TBX15: variants seen among roughly 807,000 people sequenced by gnomAD.
TBX15 encodes the protein T-box transcription factor TBX15.
A neutral mutation model predicts 53.9 loss-of-function variants in TBX15; 18 were observed. The ratio of observed to expected loss-of-function variants is 0.33; its 90% confidence interval spans 0.23 to 0.49. The LOEUF is 0.49. Among genes scored for constraint, TBX15 ranks in the 20% least tolerant of loss-of-function variants. The pLI, the probability that TBX15 is intolerant of heterozygous loss-of-function variation, is 0.98. For synonymous variants in TBX15, 295 were observed against 278.0 expected, an observed-to-expected ratio of 1.06 and a Z score of -0.61; for missense variants, 692 against 749.5, an observed-to-expected ratio of 0.92 and a Z score of 0.90.
At chr1:118,892,924 T>A (rs775374536) in intron 7 of TBX15, among the ~76,000 whole-genome samples, 14 of 152,088 alleles carry the variant, frequency 9.2e-5, no homozygotes, top group Non-Finnish European at 1.9e-4. Context: ...ACTTACTATG[T>A]TGTTATCTTC....
At chr1:118,894,161 A>G (rs1654313368) in intron 7 of TBX15, among the ~76,000 whole-genome samples, 1 of 152,206 alleles carries the variant, frequency 6.6e-6, no homozygotes, top group African/African-American at 2.4e-5. Flanking sequence ...TGTTTGAGAA[A>G]GGGAAGTAAG....
chr1:118,931,744 A>C lies in TBX15; in HGVS notation c.294T>G (p.Gly98=). 1 of 1,613,724 alleles carries C rather than the reference A, an allele frequency of 6.2e-7. No homozygotes were observed. Among genetic ancestry groups the C allele is most frequent in the Non-Finnish European group, 8.5e-7 (1 of 1,179,820 alleles). The stretch of plus-strand genomic sequence containing the variant: ...TGGCAGCAGGCACAGGGCCTGCAGC[A>C]CCAGAGGCCAGGTCAGTGTGAGTAC... ...SFSTHTDLAS[G]AAGPVPAAMS... Residue 98 remains glycine (G), a synonymous_variant, in exon 2 of 8, where the codon GGT becomes GGG. Transcript: ENST00000369429.
intron 1 of TBX15, among the ~76,000 whole-genome samples, chr1:118,960,832 C>T (rs1231943922): frequency 2.6e-5 from 4 of 152,148 alleles, no homozygotes; most frequent in East Asian, 1.9e-4. Flanking sequence ...AGGGCAGAGT[C>T]GAGGTCTGGT....
chr1:118,939,884 A>T (rs1371020561), intron 1 of TBX15, among the ~76,000 whole-genome samples: 2 of 151,902 alleles, frequency 1.3e-5, no homozygotes, highest in African/African-American at 2.4e-5. Context: ...ATTATCTCAT[A>T]CAATTTTCAC....
At position 118,885,386 on chromosome 1, in the gene TBX15, G is replaced by T; in HGVS notation, c.1155C>A (p.Gly385=). ...FHLAPNTFNV[G]CRESQLCNLN... ...GATTACACAGCTGGCTTTCTCGGCAGCCCACATTGAAAGTGTTGGGGGCCA... is the reference window on the plus strand; with the variant it reads ...GATTACACAGCTGGCTTTCTCGGCATCCCACATTGAAAGTGTTGGGGGCCA... Residue 385 remains glycine, a synonymous_variant, in exon 8 of 8, where the codon GGC becomes GGA. Coordinates refer to ENST00000369429, the MANE Select transcript of TBX15 (RefSeq NM_001330677.2). The T allele has an allele frequency of 6.2e-7, 1 of 1,613,936 alleles. No homozygotes were observed. The highest frequency in any genetic ancestry group is 1.1e-5 in the South Asian group (1 of 91,072).
intron 2 of TBX15, among the ~76,000 whole-genome samples, chr1:118,927,032 G>T (rs1036679934): frequency 2.0e-5 from 3 of 152,072 alleles, no homozygotes; most frequent in Admixed American, 2.0e-4. Context: ...CCTAAACAAC[G>T]TATTCTTATT....
chr1:118,950,725 A>G (rs1202425001), intron 1 of TBX15, among the ~76,000 whole-genome samples: 1 of 152,232 alleles, frequency 6.6e-6, no homozygotes, highest in Non-Finnish European at 1.5e-5. Context: ...TTATTCTCTA[A>G]TAGGAAAGCT....
intron 1 of TBX15, among the ~76,000 whole-genome samples, chr1:118,947,427 A>T (rs1362363651): frequency 6.6e-6 from 1 of 152,218 alleles, no homozygotes; most frequent in Non-Finnish European, 1.5e-5. Flanking sequence ...TAGGAGTGTT[A>T]GTCCTGGTTT....
chr1:118,914,783 G>A (rs1253521894), intron 5 of TBX15, among the ~76,000 whole-genome samples: 1 of 152,148 alleles, frequency 6.6e-6, no homozygotes, highest in Non-Finnish European at 1.5e-5. Context: ...TTTTGCCAGG[G>A]TCTTACCCAA....
At chr1:118,932,544 T>A (rs1276443466) in intron 1 of TBX15, among the ~76,000 whole-genome samples, 2 of 152,132 alleles carry the variant, frequency 1.3e-5, no homozygotes, top group Non-Finnish European at 2.9e-5. Flanking sequence ...AGGGAATAAA[T>A]GAGTTCAGGA....
chr1:118,885,136 G>A lies in TBX15; in HGVS notation c.1405C>T (p.Leu469=). The part of the protein sequence containing the change: ...NSKMEAYGGQ[L]GSFPTSQFQY... ...AACTGGGAAGTGGGAAAGGACCCCA[G>A]CTGGCCACCGTAGGCTTCCATCTTG... The change falls in exon 8 of 8, where the codon CTG becomes TTG. Residue 469 remains leucine (L), a synonymous_variant. Transcript: ENST00000369429. 6.2e-7 allele frequency: 1 copy of A among 1,614,188 alleles called. No homozygotes were observed. The highest frequency in any genetic ancestry group is 8.5e-7 in the Non-Finnish European group (1 of 1,180,034).
intron 1 of TBX15, among the ~76,000 whole-genome samples, chr1:118,937,142 C>A (rs1463657847): frequency 6.6e-6 from 1 of 151,970 alleles, no homozygotes; most frequent in Admixed American, 6.6e-5. Context: ...AACCAACAAA[C>A]AACAAAATGA....
intron 1 of TBX15, among the ~76,000 whole-genome samples, chr1:118,932,301 ACTGCCTGT>A (rs1655820488): frequency 6.6e-6 from 1 of 152,214 alleles, no homozygotes; most frequent in South Asian, 2.1e-4. Context: ...ACTCAGCATC[ACTGCCTGT>A]CAGTTATTTT....
intron 6 of TBX15, among the ~76,000 whole-genome samples, chr1:118,900,377 T>C (rs1248534764): frequency 1.3e-5 from 2 of 152,166 alleles, no homozygotes; most frequent in East Asian, 3.9e-4. Flanking sequence ...AGAAATTTTA[T>C]TTTAGGTGAG....
intron 1 of TBX15, among the ~76,000 whole-genome samples, chr1:118,954,180 C>A (rs1209987993): frequency 6.6e-6 from 1 of 152,328 alleles, no homozygotes; most frequent in Non-Finnish European, 1.5e-5. Context: ...AGATGGACCT[C>A]TGGAGACCAA....
Position 118,884,539 on chromosome 1 carries a change from T to A in TBX15, c.*193A>T. 1 of 680,650 alleles carries A rather than the reference T, an allele frequency of 1.5e-6. No individual in the cohort carries two copies. Among genetic ancestry groups the A allele is most frequent in the Non-Finnish European group, 2.4e-6 (1 of 414,392 alleles). 42.2% of individuals were successfully genotyped at this position (680,650 alleles called of 1,614,324 possible). The stretch of plus-strand genomic sequence containing the variant: ...AGAATGGCCACTGAGTTGCGGATGA[T>A]TCTATCGCAAGTATCCTTCACTGGC... On this transcript the variant is annotated 3_prime_UTR_variant, in exon 8 of 8. Transcript: ENST00000369429.
chr1:118,906,007 T>TA (rs1203905919), intron 6 of TBX15, among the ~76,000 whole-genome samples: 5 of 152,294 alleles, frequency 3.3e-5, no homozygotes, highest in Non-Finnish European at 5.9e-5. Context: ...TTCTGAAAGC[T>TA]AATACCTCAT....
intron 6 of TBX15, among the ~76,000 whole-genome samples, chr1:118,902,924 A>C (rs1281626401): frequency 2.0e-5 from 3 of 152,104 alleles, no homozygotes; most frequent in African/African-American, 7.2e-5. Context: ...AAGTGAATTC[A>C]TTGTCTAACG....
At chr1:118,908,690 A>C (rs1055700565) in intron 6 of TBX15, among the ~76,000 whole-genome samples, 5 of 152,008 alleles carry the variant, frequency 3.3e-5, no homozygotes, top group African/African-American at 4.8e-5. Context: ...CTCCAGAATA[A>C]ATGGCCATCT....
Sources: allele counts gnomAD v4.1 joint callset (sites outside exome capture counted in the v4.1 genomes callset), GRCh38; gene constraint gnomAD v4.1.1; transcripts MANE v1.5; gene names NCBI Gene and HGNC (gene_info 2026-07-23, HGNC 2026-07-21).